The following MGAT4C variants were observed in gnomAD, a reference collection of about 807,000 sequenced individuals.
MGAT4C encodes the protein MGAT4 family member C, also known as alpha-1,3-mannosyl-glycoprotein 4-beta-N-acetylglucosaminyltransferase C.
A neutral mutation model predicts 40.1 loss-of-function variants in MGAT4C; 19 were observed. The ratio of observed to expected loss-of-function variants is 0.47; its 90% confidence interval spans 0.33 to 0.70. The LOEUF (loss-of-function observed/expected upper bound fraction) is 0.70, where lower values mean the gene tolerates loss of function less well. Among genes scored for constraint, MGAT4C ranks in the 30% least tolerant of loss-of-function variants. MGAT4C has a pLI of 0.02. For synonymous variants in MGAT4C, 181 were observed against 187.1 expected (o/e 0.97, Z 0.27); for missense variants, 491 against 563.2 (o/e 0.87, Z 1.30).
intron 1 of MGAT4C, among the ~76,000 whole-genome samples, chr12:86,075,374 C>T (rs1409489892): frequency 1.3e-5 from 2 of 152,092 alleles, no homozygotes; most frequent in Non-Finnish European, 2.9e-5. Flanking sequence ...AGCTCTGCTC[C>T]TGTGTCTTTG....
At position 86,568,026 on chromosome 12, in the gene MGAT4C, T is replaced by A. The variant is rs374334425; in HGVS notation, c.-228-132761A>T. ...CTCTTTATTTGAAGATTATGCTTGA[T>A]GTCAGGAGATGTATATGGGTTCACG... On this transcript the variant is annotated intron_variant, in intron 2 of 7. Coordinates refer to the MGAT4C transcript ENST00000548651. Among the ~76,000 whole-genome samples the A allele has an allele frequency of 2.6e-5, 4 of 152,308 alleles. No homozygotes were observed. The South Asian group carries it at 8.3e-4, about 32-fold the overall frequency.
At chr12:86,820,581 A>T (rs544602046) in intron 1 of MGAT4C, among the ~76,000 whole-genome samples, 1 of 150,984 alleles carries the variant, frequency 6.6e-6, no homozygotes, top group Admixed American at 6.6e-5. Context: ...AATAATCATG[A>T]TCAATAGTTA....
At chr12:86,794,426 T>C (rs1264389132) in intron 1 of MGAT4C, among the ~76,000 whole-genome samples, 1 of 151,830 alleles carries the variant, frequency 6.6e-6, no homozygotes, top group African/African-American at 2.4e-5. Context: ...ATTAACTCAT[T>C]TCCACAACAG....
intron 2 of MGAT4C, among the ~76,000 whole-genome samples, chr12:86,536,470 A>G (rs1232485409): frequency 1.3e-5 from 2 of 152,184 alleles, no homozygotes; most frequent in African/African-American, 2.4e-5. Context: ...AAACTTTACT[A>G]AACTTAAAAT....
At chr12:86,109,061 A>G (rs1305184086) in intron 1 of MGAT4C, among the ~76,000 whole-genome samples, 2 of 152,172 alleles carry the variant, frequency 1.3e-5, no homozygotes, top group African/African-American at 4.8e-5. Context: ...GAGATCCTGT[A>G]TGGTCAGTAA....
chr12:86,480,258 TG>T, intron 2 of MGAT4C, among the ~76,000 whole-genome samples: 1 of 151,904 alleles, frequency 6.6e-6, no homozygotes, highest in South Asian at 2.1e-4. Context: ...CAACATTTGC[TG>T]CTTTTGGAAA....
At chr12:86,506,790 G>T (rs1958479386) in intron 2 of MGAT4C, among the ~76,000 whole-genome samples, 1 of 152,064 alleles carries the variant, frequency 6.6e-6, no homozygotes, top group African/African-American at 2.4e-5. Flanking sequence ...ATCTTTGGTA[G>T]GCAGCTTTCA....
At chr12:86,148,215 C>T (rs1014139986) in intron 1 of MGAT4C, among the ~76,000 whole-genome samples, 2 of 152,210 alleles carry the variant, frequency 1.3e-5, no homozygotes, top group Non-Finnish European at 2.9e-5. Context: ...AGGAGAGAAC[C>T]AGGAATCATT....
chr12:86,145,948 C>T (rs1231691303), intron 1 of MGAT4C, among the ~76,000 whole-genome samples: 1 of 151,772 alleles, frequency 6.6e-6, no homozygotes, highest in Non-Finnish European at 1.5e-5. Flanking sequence ...AGTATTTATA[C>T]AAAAAAATTA....
chr12:86,699,966 GA>G (rs879473887), intron 2 of MGAT4C, among the ~76,000 whole-genome samples: 34 of 151,450 alleles, frequency 2.2e-4, no homozygotes, highest in Non-Finnish European at 4.4e-4. Flanking sequence ...AATCGTTATT[GA>G]AAAAAGGATG....
intron 1 of MGAT4C, among the ~76,000 whole-genome samples, chr12:86,069,552 G>A (rs572575181): frequency 6.6e-6 from 1 of 151,446 alleles, no homozygotes; most frequent in East Asian, 1.9e-4. Context: ...ATGGCAGATT[G>A]GGTAAGAAAA....
chr12:86,502,441 CA>C (rs1958364208), intron 2 of MGAT4C, among the ~76,000 whole-genome samples: 1 of 151,778 alleles, frequency 6.6e-6, no homozygotes, highest in Non-Finnish European at 1.5e-5. Context: ...TAACATTATA[CA>C]GTTGTCAAAA....
At chr12:86,760,150 C>G (rs1292484727) in intron 1 of MGAT4C, among the ~76,000 whole-genome samples, 1 of 151,990 alleles carries the variant, frequency 6.6e-6, no homozygotes, top group Non-Finnish European at 1.5e-5. Context: ...GACAAAGGTA[C>G]CAAGCACTCA....
At chr12:86,035,461 A>G (rs560807181) in intron 2 of MGAT4C, among the ~76,000 whole-genome samples, 7 of 150,128 alleles carry the variant, frequency 4.7e-5, no homozygotes, top group African/African-American at 1.7e-4. Flanking sequence ...AGTTATTTCT[A>G]GATTCTGGAT....
rs1377227766 is a variant in MGAT4C, at chr12:86,034,848, TGTTA to T, written c.-7+14822_-7+14825del. 1.3e-5 allele frequency among the ~76,000 whole-genome samples: 2 copies of T among 149,812 alleles called. 1 individual carries two copies. The highest frequency in any genetic ancestry group is 1.3e-4 in the Admixed American group (2 of 14,902). ...TGCAGTGTATGGTTTTCTGTTTTTG[TGTTA>T]GTTTGCTGAGAATGATGGTTTCCAG... On this transcript the variant is annotated intron_variant, in intron 2 of 4. Transcript: ENST00000611864.
At chr12:86,131,742 G>GC (rs1207457698) in intron 1 of MGAT4C, among the ~76,000 whole-genome samples, 1 of 34,774 alleles carries the variant, frequency 2.9e-5, no homozygotes, top group Admixed American at 3.1e-4. Flanking sequence ...TATAAAAACT[G>GC]GTTTTTTTTT....
intron 2 of MGAT4C, among the ~76,000 whole-genome samples, chr12:86,542,722 G>C (rs1592969258): frequency 6.6e-6 from 1 of 152,094 alleles, no homozygotes; most frequent in East Asian, 1.9e-4. Context: ...ATGACAAAGT[G>C]AATGAATGCT....
chr12:86,211,156 T>C (rs192081103), intron 1 of MGAT4C, among the ~76,000 whole-genome samples: 1 of 150,692 alleles, frequency 6.6e-6, no homozygotes, highest in East Asian at 2.0e-4. Context: ...AACTTTGATT[T>C]TGACGAGCAA....
intron 2 of MGAT4C, among the ~76,000 whole-genome samples, chr12:86,691,449 TAGAG>T (rs1429936847): frequency 1.3e-5 from 2 of 152,078 alleles, no homozygotes; most frequent in Non-Finnish European, 1.5e-5. Flanking sequence ...GTTGACGAGA[TAGAG>T]AGAAGAAAAA....
Sources: allele counts gnomAD v4.1 joint callset (sites outside exome capture counted in the v4.1 genomes callset), GRCh38; gene constraint gnomAD v4.1.1; transcripts MANE v1.5; gene names NCBI Gene and HGNC (gene_info 2026-07-23, HGNC 2026-07-21).